The following LEKR1 variants were observed in gnomAD, a reference collection of about 807,000 sequenced individuals.
The protein encoded by LEKR1 is protein LEKR1.
Under a neutral mutation model 72.4 loss-of-function variants are expected in LEKR1, and 59 were observed. That is an observed-to-expected ratio of 0.82 (90% confidence interval 0.66 to 1.01). LEKR1 has a LOEUF of 1.01. LEKR1 is among the 50% of genes least tolerant of loss of function. The probability of loss-of-function intolerance (pLI) is 0.00; values close to 1 mark genes in which losing one functional copy is unlikely to be tolerated. For missense variants in LEKR1, 728 were observed against 759.2 expected, an observed-to-expected ratio of 0.96 and a Z score of 0.48; for synonymous variants, 257 against 263.2, an observed-to-expected ratio of 0.98 and a Z score of 0.23.
At chr3:156,906,675 A>G (rs1722564830) in intron 3 of LEKR1, among the ~76,000 whole-genome samples, 1 of 152,176 alleles carries the variant, frequency 6.6e-6, no homozygotes, top group African/African-American at 2.4e-5. Context: ...ATTTTTAACC[A>G]TATCATTTTG....
At chr3:156,869,552 G>GT (rs1323042965) in intron 3 of LEKR1, among the ~76,000 whole-genome samples, 1 of 151,320 alleles carries the variant, frequency 6.6e-6, no homozygotes, top group Non-Finnish European at 1.5e-5. Flanking sequence ...GAATTATTTG[G>GT]TTTTTTACTG....
intron 3 of LEKR1, among the ~76,000 whole-genome samples, chr3:156,896,323 C>T (rs538556976): frequency 6.6e-6 from 1 of 152,188 alleles, no homozygotes; most frequent in East Asian, 1.9e-4. Flanking sequence ...AACAAACCTG[C>T]ACATCCTGCA....
At chr3:157,005,268 A>C (rs1444865226) in intron 9 of LEKR1, among the ~76,000 whole-genome samples, 3 of 152,152 alleles carry the variant, frequency 2.0e-5, no homozygotes, top group African/African-American at 4.8e-5. Context: ...GAAATGGATA[A>C]CATGAATAGT....
At chr3:156,843,666 C>T (rs1714220512) in intron 2 of LEKR1, among the ~76,000 whole-genome samples, 1 of 152,046 alleles carries the variant, frequency 6.6e-6, no homozygotes, top group Non-Finnish European at 1.5e-5. Context: ...TTTTATATTT[C>T]CAAGCACAGA....
At chr3:156,887,032 G>A (rs570332800) in intron 3 of LEKR1, among the ~76,000 whole-genome samples, 64 of 152,184 alleles carry the variant, frequency 4.2e-4, no homozygotes, top group Middle Eastern at 6.8e-3. Flanking sequence ...GCCATTTTAT[G>A]TTATATGTCT....
rs1476864861 is a variant in LEKR1, at chr3:156,934,359, C to CA, written c.559+6756dup. Among the ~76,000 whole-genome samples, 22 of 152,234 alleles carry CA rather than the reference C, an allele frequency of 1.4e-4. 1 individual carries two copies. The highest frequency in any genetic ancestry group is 5.1e-4 in the African/African-American group (21 of 41,538). The stretch of plus-strand genomic sequence containing the variant: ...AACAGTACACCCACATTTTCATAGT[C>CA]AGATTCCTGATAATATTTATATTAG... On this transcript the variant is annotated intron_variant, in intron 5 of 12. Coordinates refer to ENST00000356539, the MANE Select transcript of LEKR1 (RefSeq NM_001004316.3).
At position 156,899,526 on chromosome 3, in the gene LEKR1, A is replaced by G. The variant is rs1351229375; in HGVS notation, c.264-21049A>G. On this transcript the variant is annotated intron_variant, in intron 3 of 12. Transcript: ENST00000356539. ...TACATGTATATATACATACATACAT[A>G]TATACACATATATACATATATACAC... 1.2e-4 allele frequency among the ~76,000 whole-genome samples: 17 copies of G among 140,090 alleles called. 1 individual carries two copies. The highest frequency in any genetic ancestry group is 3.9e-4 in the African/African-American group (15 of 38,134). The allele number at this position is 140,090 out of a possible 152,430, so 91.9% of individuals were successfully genotyped here.
At chr3:156,877,215 C>G (rs1718704949) in intron 3 of LEKR1, among the ~76,000 whole-genome samples, 1 of 152,038 alleles carries the variant, frequency 6.6e-6, no homozygotes, top group Admixed American at 6.6e-5. Flanking sequence ...ATTTGATTAG[C>G]TATTAAATAG....
chr3:156,905,289 A>G (rs1365699055), intron 3 of LEKR1, among the ~76,000 whole-genome samples: 2 of 152,228 alleles, frequency 1.3e-5, no homozygotes, highest in Non-Finnish European at 2.9e-5. Flanking sequence ...TTGTACTAAA[A>G]GTACATTGAT....
intron 3 of LEKR1, among the ~76,000 whole-genome samples, chr3:156,911,326 T>G (rs556378964): frequency 6.6e-6 from 1 of 151,982 alleles, no homozygotes; most frequent in African/African-American, 2.4e-5. Context: ...ATTTTTTATG[T>G]CCTTTGTCCA....
intron 2 of LEKR1, among the ~76,000 whole-genome samples, chr3:156,832,910 A>G (rs1712606212): frequency 1.3e-5 from 2 of 152,214 alleles, no homozygotes; most frequent in South Asian, 4.1e-4. Context: ...GTTGCAAAAA[A>G]CAAAGCAAAA....
rs533275820 is a variant in LEKR1, at chr3:156,986,844, G to A, written c.828-5809G>A. On this transcript the variant is annotated intron_variant, in intron 7 of 12. Coordinates refer to ENST00000356539, the MANE Select transcript of LEKR1 (RefSeq NM_001004316.3). ...CATTTACTGAAGTGGGAAATTCTGTGAAAGAAGCAGATAAGGGAGTGGAGG... is the reference window on the plus strand; with the variant it reads ...CATTTACTGAAGTGGGAAATTCTGTAAAAGAAGCAGATAAGGGAGTGGAGG... Among the ~76,000 whole-genome samples, 9 of 152,314 alleles carry A rather than the reference G, an allele frequency of 5.9e-5. No individual in the cohort carries two copies. The East Asian group carries it at 1.4e-3, about 23-fold the overall frequency.
intron 5 of LEKR1, among the ~76,000 whole-genome samples, chr3:156,940,634 G>T (rs900138465): frequency 5.9e-5 from 9 of 152,160 alleles, no homozygotes; most frequent in African/African-American, 2.2e-4. Context: ...CATCTCCATT[G>T]AGTTTACTTT....
chr3:157,028,340 C>T lies in LEKR1; in HGVS notation c.1606C>T (p.Leu536=). ...GGAAATGGAACAGAAGTCGGATGAA[C>T]TGAAAAGAGTAATGCTGGCTCAAAC... ...RKEMEQKSDE[L]KRVMLAQTQL... Residue 536 remains leucine, a synonymous_variant, in exon 12 of 13, where the codon CTG becomes TTG. Transcript: ENST00000356539. 6.2e-7 allele frequency: 1 copy of T among 1,613,120 alleles called. No individual in the cohort carries two copies. The highest frequency in any genetic ancestry group is 8.5e-7 in the Non-Finnish European group (1 of 1,179,564).
chr3:156,971,070 C>T (rs1197462193), intron 6 of LEKR1, among the ~76,000 whole-genome samples: 30 of 152,140 alleles, frequency 2.0e-4, no homozygotes, highest in Admixed American at 6.5e-4. Flanking sequence ...GGAGGCATCA[C>T]GCTACCTGAC....
At chr3:156,957,241 A>G (rs1727730203) in intron 6 of LEKR1, among the ~76,000 whole-genome samples, 2 of 152,226 alleles carry the variant, frequency 1.3e-5, no homozygotes, top group South Asian at 4.1e-4. Flanking sequence ...CAATATGACC[A>G]CTGGGCATCA....
chr3:156,861,113 G>GA (rs1226218100), intron 3 of LEKR1, among the ~76,000 whole-genome samples: 2 of 152,156 alleles, frequency 1.3e-5, no homozygotes, highest in Non-Finnish European at 2.9e-5. Context: ...TTGTAAGGAA[G>GA]AAAAGGAAAC....
chr3:156,981,118 G>A (rs569168604), intron 7 of LEKR1, among the ~76,000 whole-genome samples: 1 of 152,224 alleles, frequency 6.6e-6, no homozygotes, highest in Non-Finnish European at 1.5e-5. Context: ...AGGAACAATA[G>A]GCTATATCGT....
At chr3:156,964,556 A>G (rs1359081923) in intron 6 of LEKR1, among the ~76,000 whole-genome samples, 1 of 152,162 alleles carries the variant, frequency 6.6e-6, no homozygotes, top group Admixed American at 6.5e-5. Flanking sequence ...AATTCTTAAG[A>G]GTGCAGTTAG....
Sources: gnomAD v4.1 joint callset for allele counts (sites outside exome capture counted in the v4.1 genomes callset) on GRCh38, gnomAD v4.1.1 for gene constraint, MANE v1.5 for transcripts, NCBI Gene and HGNC (gene_info 2026-07-23, HGNC 2026-07-21) for gene names.